N4BP2L2: variants seen among roughly 807,000 people sequenced by gnomAD.
N4BP2L2 encodes NEDD4 binding protein 2 like 2.
N4BP2L2 carries 50 observed loss-of-function variants against 56.2 expected under a neutral mutation model. That is an observed-to-expected ratio of 0.89 (90% CI 0.71 to 1.13). N4BP2L2 has a LOEUF of 1.13. Ranked by LOEUF, N4BP2L2 falls within the 50% of genes most tolerant of loss-of-function variation. The pLI is 0.00. For synonymous variants in N4BP2L2, 203 were observed against 223.6 expected, an observed-to-expected ratio of 0.91 and a Z score of 0.82; for missense variants, 689 against 693.8, an observed-to-expected ratio of 0.99 and a Z score of 0.08.
intron 6 of N4BP2L2, among the ~76,000 whole-genome samples, chr13:32,471,762 G>A (rs1193018294): frequency 1.3e-5 from 2 of 152,230 alleles, no homozygotes; most frequent in East Asian, 3.8e-4. Context: ...GCTAGTGTGA[G>A]TGAGCTGCTA....
intron 6 of N4BP2L2, among the ~76,000 whole-genome samples, chr13:32,463,158 G>A (rs1267580075): frequency 6.6e-6 from 1 of 152,126 alleles, no homozygotes; most frequent in Admixed American, 6.6e-5. Context: ...GTTGGAGAGT[G>A]TAACAACTGA....
intron 1 of N4BP2L2, among the ~76,000 whole-genome samples, chr13:32,537,988 T>C (rs2056979469): frequency 7.0e-6 from 1 of 142,834 alleles, no homozygotes; most frequent in Non-Finnish European, 1.5e-5. Context: ...GAGGATCGCT[T>C]GAACCCGGGG....
At chr13:32,514,044 T>C (rs1357622118) in exon 6 of N4BP2L2, 1 of 152,148 alleles carries the variant, frequency 6.6e-6, no homozygotes, top group Admixed American at 6.5e-5. Flanking sequence ...TATCTATACG[T>C]AAAACTGGAA....
chr13:32,517,238 A>G (rs551412543), exon 6 of N4BP2L2: 2 of 986,170 alleles, frequency 2.0e-6, no homozygotes, highest in Admixed American at 1.2e-4. Context: ...TGACTGATAT[A>G]CCTACTATCT....
At chr13:32,457,671 A>G (rs1040336552) in intron 6 of N4BP2L2, among the ~76,000 whole-genome samples, 3 of 152,230 alleles carry the variant, frequency 2.0e-5, no homozygotes, top group African/African-American at 7.2e-5. Context: ...TTCTCAGAAA[A>G]GCAAAAACTG....
intron 6 of N4BP2L2, among the ~76,000 whole-genome samples, chr13:32,479,443 T>G (rs2084093650): frequency 6.6e-6 from 1 of 151,586 alleles, no homozygotes; most frequent in Admixed American, 6.6e-5. Context: ...AATCTTGTTT[T>G]TTTTTGTTTT....
intron 6 of N4BP2L2, chr13:32,477,713 C>T (rs1282773270): frequency 4.8e-6 from 2 of 420,398 alleles, no homozygotes; most frequent in Non-Finnish European, 8.1e-6. Flanking sequence ...TAGACCTAAT[C>T]GTCATTTCTT....
chr13:32,461,330 C>A (rs1271152899), intron 6 of N4BP2L2, among the ~76,000 whole-genome samples: 1 of 152,046 alleles, frequency 6.6e-6, no homozygotes, highest in Non-Finnish European at 1.5e-5. Flanking sequence ...AAGAGACAAC[C>A]TGATGAATGG....
At chr13:32,507,063 T>C (rs1230178550), downstream of N4BP2L2, 10 of 152,088 alleles carry the variant, frequency 6.6e-5, no homozygotes, top group South Asian at 2.1e-4. Flanking sequence ...GTTTAAAATG[T>C]AGGAACAGAT....
chr13:32,448,627 T>C (rs1026447325), intron 6 of N4BP2L2, among the ~76,000 whole-genome samples: 11 of 152,194 alleles, frequency 7.2e-5, no homozygotes, highest in African/African-American at 2.4e-4. Context: ...AACTGTGACC[T>C]GATGACAAAG....
chr13:32,439,357 T>G (rs1262730095), intron 7 of N4BP2L2, among the ~76,000 whole-genome samples: 1 of 152,212 alleles, frequency 6.6e-6, no homozygotes, highest in Admixed American at 6.5e-5. Flanking sequence ...CTTTCTGAAG[T>G]TTAATTAACG....
At chr13:32,536,881 T>G (rs369890765) in exon 2 of N4BP2L2, 1 of 1,614,088 alleles carries the variant, frequency 6.2e-7, no homozygotes, top group East Asian at 2.2e-5. Context: ...CATTTCCAGT[T>G]TTCTCTTGGA....
chr13:32,442,442 G>GT lies in N4BP2L2; in HGVS notation c.2049dup (p.Gln684ThrfsTer24). 1 of 1,611,412 alleles carries GT rather than the reference G, an allele frequency of 6.2e-7. No homozygotes were observed. Among genetic ancestry groups the GT allele is most frequent in the Non-Finnish European group, 8.5e-7 (1 of 1,178,626 alleles). The stretch of plus-strand genomic sequence containing the variant: ...TTTACTAATTGAAAGGCAAACCCTT[G>GT]TGATAATGGTAGCTCAAGGGAACGG... On this transcript the variant is annotated frameshift_variant, in exon 7 of 10. Coordinates refer to the N4BP2L2 transcript ENST00000357505. LOFTEE classifies it high-confidence loss of function.
intron 1 of N4BP2L2, among the ~76,000 whole-genome samples, chr13:32,538,075 G>A (rs866657498): frequency 1.1e-4 from 15 of 139,090 alleles, no homozygotes; most frequent in East Asian, 2.4e-4. Context: ...CGTCTTGGGG[G>A]GGGGGGGCGG....
intron 6 of N4BP2L2, among the ~76,000 whole-genome samples, chr13:32,481,025 C>T (rs548289326): frequency 1.1e-4 from 15 of 140,138 alleles, no homozygotes; most frequent in African/African-American, 3.2e-4. Context: ...AGGCTGAGGC[C>T]GGAGAATCAC....
At chr13:32,452,799 G>A (rs922435326) in intron 6 of N4BP2L2, among the ~76,000 whole-genome samples, 2 of 152,108 alleles carry the variant, frequency 1.3e-5, no homozygotes, top group Non-Finnish European at 2.9e-5. Flanking sequence ...TTTCTAATAT[G>A]AGAAATATTA....
intron 2 of N4BP2L2, among the ~76,000 whole-genome samples, chr13:32,534,220 C>T (rs2055888098): frequency 6.6e-6 from 1 of 152,074 alleles, no homozygotes; most frequent in African/African-American, 2.4e-5. Context: ...TCTTATATAT[C>T]TATTTTTCAA....
chr13:32,519,030 C>G (rs1008102508), intron 5 of N4BP2L2, among the ~76,000 whole-genome samples: 5 of 151,860 alleles, frequency 3.3e-5, no homozygotes, highest in African/African-American at 7.3e-5. Context: ...ATTTATTTAT[C>G]TTGGAAAAAG....
chr13:32,489,049 G>A (rs962418897), intron 6 of N4BP2L2, among the ~76,000 whole-genome samples: 1 of 152,024 alleles, frequency 6.6e-6, no homozygotes, highest in Admixed American at 6.6e-5. Context: ...CTCCAGCCCG[G>A]GTGACAGAGC....
Sources: gnomAD v4.1 joint callset for allele counts (sites outside exome capture counted in the v4.1 genomes callset) on GRCh38, gnomAD v4.1.1 for gene constraint, MANE v1.5 for transcripts, NCBI Gene and HGNC (gene_info 2026-07-23, HGNC 2026-07-21) for gene names.